Variants in WDFY2 observed in about 807,000 individuals in gnomAD.
WDFY2 encodes the protein WD repeat and FYVE domain-containing protein 2.
A neutral mutation model predicts 56.4 loss-of-function variants in WDFY2; 36 were observed. The observed-to-expected ratio is 0.64, with a 90% CI of 0.49 to 0.84. The LOEUF is 0.84. Ranked by LOEUF, WDFY2 falls within the 40% of genes least tolerant of loss-of-function variation. The probability of loss-of-function intolerance (pLI) is 0.00; values close to 1 mark genes in which losing one functional copy is unlikely to be tolerated. For missense variants in WDFY2, 444 were observed against 512.2 expected (o/e 0.87, Z 1.29); for synonymous variants, 176 against 183.7 (o/e 0.96, Z 0.34).
chr13:51,588,501 TAGGAGTTAACAAC>T (rs907272462), intron 1 of WDFY2: 4 of 152,252 alleles, frequency 2.6e-5, no homozygotes, highest in African/African-American at 7.2e-5. Flanking sequence ...ATTCCCTTCC[TAGGAGTTAACAAC>T]AGGTACAAAC....
chr13:51,647,026 G>C (rs1955275121), intron 1 of WDFY2, among the ~76,000 whole-genome samples: 1 of 152,144 alleles, frequency 6.6e-6, no homozygotes. Flanking sequence ...CAGTATAACA[G>C]CTGTTTACAT....
chr13:51,694,239 G>A (rs1951812909), intron 3 of WDFY2, among the ~76,000 whole-genome samples: 1 of 152,164 alleles, frequency 6.6e-6, no homozygotes, highest in Non-Finnish European at 1.5e-5. Flanking sequence ...ATGTTAGCTG[G>A]TTATTTTGCC....
At chr13:51,700,047 A>T (rs1275316929) in intron 3 of WDFY2, among the ~76,000 whole-genome samples, 1 of 152,220 alleles carries the variant, frequency 6.6e-6, no homozygotes, top group African/African-American at 2.4e-5. Flanking sequence ...TTTTGGGTGA[A>T]AACAGAAAGT....
chr13:51,657,718 T>C (rs1393288944), intron 1 of WDFY2, among the ~76,000 whole-genome samples: 1 of 152,200 alleles, frequency 6.6e-6, no homozygotes, highest in East Asian at 1.9e-4. Flanking sequence ...CTCTTCTGAC[T>C]CTCAAACCTG....
At chr13:51,705,582 TAA>T in intron 4 of WDFY2, among the ~76,000 whole-genome samples, 1 of 151,896 alleles carries the variant, frequency 6.6e-6, no homozygotes, top group Non-Finnish European at 1.5e-5. Flanking sequence ...TTTTTTTTTT[TAA>T]TTTTTAATTT....
intron 1 of WDFY2, among the ~76,000 whole-genome samples, chr13:51,605,030 G>A (rs1467996181): frequency 2.0e-5 from 3 of 152,226 alleles, no homozygotes; most frequent in African/African-American, 4.8e-5. Context: ...TGAAGCCTTG[G>A]GGATGGATGC....
At position 51,761,189 on chromosome 13, in the gene WDFY2, G is replaced by A. The variant is rs781294145; in HGVS notation, c.*1420G>A. On this transcript the variant is annotated 3_prime_UTR_variant, in exon 12 of 12. Coordinates refer to ENST00000298125, the MANE Select transcript of WDFY2 (RefSeq NM_052950.4). ...GGTCCGAGACAGAATGGTACCTACA[G>A]TGCAGGCTATGTTTCTGTGGGAATG... The A allele has an allele frequency of 6.6e-6, 1 of 152,162 alleles. No individual in the cohort carries two copies. The highest frequency in any genetic ancestry group is 6.5e-5 in the Admixed American group (1 of 15,280). The allele number at this position is 152,162 out of a possible 1,614,324, so 9.4% of individuals were successfully genotyped here. A position where few individuals can be genotyped will look rare whatever the true frequency, so the allele number is the denominator to read the frequency against.
chr13:51,682,752 T>G (rs1487507522), intron 3 of WDFY2, among the ~76,000 whole-genome samples: 1 of 152,168 alleles, frequency 6.6e-6, no homozygotes, highest in Non-Finnish European at 1.5e-5. Flanking sequence ...CCATAAATAT[T>G]AACTCCTGTC....
At chr13:51,670,383 GCTT>G (rs1042284907) in intron 2 of WDFY2, among the ~76,000 whole-genome samples, 6 of 152,008 alleles carry the variant, frequency 3.9e-5, no homozygotes, top group Admixed American at 3.9e-4. Context: ...TCGGCTCTCT[GCTT>G]CTTTGATCTA....
At chr13:51,630,102 G>C (rs1488927820) in intron 1 of WDFY2, among the ~76,000 whole-genome samples, 1 of 152,000 alleles carries the variant, frequency 6.6e-6, no homozygotes, top group Non-Finnish European at 1.5e-5. Flanking sequence ...TGGAGCCTTA[G>C]CCATTAAAGA....
At chr13:51,752,428 C>T (rs779948973) in intron 8 of WDFY2, among the ~76,000 whole-genome samples, 3 of 152,194 alleles carry the variant, frequency 2.0e-5, no homozygotes, top group Non-Finnish European at 4.4e-5. Context: ...GTCATGCTAA[C>T]CATGTTCCCG....
intron 3 of WDFY2, among the ~76,000 whole-genome samples, chr13:51,681,348 G>A (rs1019487572): frequency 2.0e-5 from 3 of 152,182 alleles, no homozygotes; most frequent in African/African-American, 7.2e-5. Flanking sequence ...CTTCTAGTGT[G>A]ATACCATTTA....
intron 6 of WDFY2, 75 bp downstream of exon 6, chr13:51,727,865 A>T (rs559004314): frequency 1.4e-6 from 2 of 1,422,246 alleles, no homozygotes; most frequent in Non-Finnish European, 2.0e-6. Flanking sequence ...TGATGTTCAG[A>T]TATGTTTTGA....
At chr13:51,629,741 C>T (rs1954913913) in intron 1 of WDFY2, among the ~76,000 whole-genome samples, 1 of 151,568 alleles carries the variant, frequency 6.6e-6, no homozygotes, top group Non-Finnish European at 1.5e-5. Context: ...GTCACTGTGG[C>T]CAAGGGGTGA....
intron 1 of WDFY2, among the ~76,000 whole-genome samples, chr13:51,634,017 TC>T (rs1446097342): frequency 6.6e-6 from 1 of 152,214 alleles, no homozygotes; most frequent in Non-Finnish European, 1.5e-5. Context: ...GGGTTTGAAT[TC>T]TGGCTCCTTT....
chr13:51,635,625 A>C (rs951422330), intron 1 of WDFY2, among the ~76,000 whole-genome samples: 4 of 152,154 alleles, frequency 2.6e-5, no homozygotes, highest in African/African-American at 9.7e-5. Context: ...TTTCGAGTCA[A>C]ACTCCCGGGA....
intron 2 of WDFY2, among the ~76,000 whole-genome samples, chr13:51,663,303 A>T (rs1451169531): frequency 6.6e-6 from 1 of 152,206 alleles, no homozygotes; most frequent in Non-Finnish European, 1.5e-5. Flanking sequence ...GTTGATTGGT[A>T]AATATATGGA....
intron 1 of WDFY2, among the ~76,000 whole-genome samples, chr13:51,637,379 G>A (rs1955073566): frequency 6.6e-6 from 1 of 151,830 alleles, no homozygotes; most frequent in African/African-American, 2.4e-5. Flanking sequence ...CTAGCAAATT[G>A]TAGATTTTGT....
intron 1 of WDFY2, among the ~76,000 whole-genome samples, chr13:51,598,020 A>C (rs1015417604): frequency 1.3e-5 from 2 of 152,202 alleles, no homozygotes; most frequent in African/African-American, 4.8e-5. Context: ...TATGGATCTC[A>C]GTGGGCATTT....
Sources: allele counts gnomAD v4.1 joint callset (sites outside exome capture counted in the v4.1 genomes callset), GRCh38; gene constraint gnomAD v4.1.1; transcripts MANE v1.5; gene names NCBI Gene and HGNC (gene_info 2026-07-23, HGNC 2026-07-21).